The following MICAL3 variants were observed in gnomAD, a reference collection of about 807,000 sequenced individuals.
MICAL3 encodes [F-actin]-monooxygenase MICAL3.
In MICAL3, 62 loss-of-function variants were observed where a neutral mutation model predicts 207.4. The observed-to-expected ratio is 0.30, with a 90% CI of 0.24 to 0.37. The LOEUF is 0.37. Ranked by LOEUF, MICAL3 falls within the 10% of genes least tolerant of loss-of-function variation. MICAL3 has a pLI of 1.00. For missense variants in MICAL3, 2,368 were observed against 2,635.6 expected, an observed-to-expected ratio of 0.90 and a Z score of 2.22; for synonymous variants, 1,077 against 1,069.3, an observed-to-expected ratio of 1.01 and a Z score of -0.14.
intron 5 of MICAL3, among the ~76,000 whole-genome samples, chr22:17,901,277 G>A (rs926205385): frequency 2.6e-5 from 4 of 152,180 alleles, no homozygotes; most frequent in East Asian, 1.9e-4. Flanking sequence ...AAAGGGATGC[G>A]TGGGGGGAGC....
intron 1 of MICAL3, among the ~76,000 whole-genome samples, chr22:17,969,594 A>T (rs1159916340): frequency 1.3e-5 from 2 of 152,012 alleles, no homozygotes; most frequent in African/African-American, 2.4e-5. Flanking sequence ...CTTAGAAATG[A>T]TTTAAGGCAA....
intron 5 of MICAL3, 75 bp from the exon 6 acceptor site, chr22:17,901,072 G>A (rs1931280010): frequency 7.0e-7 from 1 of 1,434,854 alleles, no homozygotes; most frequent in Non-Finnish European, 9.8e-7. Flanking sequence ...AAGTGGGGGT[G>A]CTGATAAAGA....
chr22:17,788,634 T>A lies in MICAL3; in HGVS notation c.*2098A>T, dbSNP rs894098751. On this transcript the variant is annotated 3_prime_UTR_variant, in exon 32 of 32. Transcript: ENST00000441493. ...TCTAGAAACCCTCCTCTCCCCTTTT[T>A]TAAGTAAAGAGAAAAGAAAAGGAGA... 2.6e-5 allele frequency: 4 copies of A among 152,236 alleles called. No homozygotes were observed. The highest frequency in any genetic ancestry group is 9.6e-5 in the African/African-American group (4 of 41,462). The allele number at this position is 152,236 out of a possible 1,614,324, so 9.4% of individuals were successfully genotyped here.
At chr22:17,873,504 T>G (rs551148287) in intron 16 of MICAL3, among the ~76,000 whole-genome samples, 2 of 152,236 alleles carry the variant, frequency 1.3e-5, no homozygotes, top group African/African-American at 4.8e-5. Flanking sequence ...GGCAGCATGA[T>G]GAGGCCCGTG....
chr22:17,928,255 C>T (rs1933018351), intron 1 of MICAL3, among the ~76,000 whole-genome samples: 2 of 151,916 alleles, frequency 1.3e-5, no homozygotes, highest in African/African-American at 2.4e-5. Context: ...CTGGCTAACA[C>T]GGTGAAACCC....
At position 17,827,819 on chromosome 22, in the gene MICAL3, G is replaced by A. The variant is rs1922358309; in HGVS notation, c.3056-38C>T. ...GGTCAAGGGGTGGAGAAATGAGGTGGGGAAGGAGGGGATGAAATAGCATGG... is the reference window on the plus strand; with the variant it reads ...GGTCAAGGGGTGGAGAAATGAGGTGAGGAAGGAGGGGATGAAATAGCATGG... On this transcript the variant is annotated intron_variant, in intron 21 of 31. Coordinates refer to ENST00000441493, the MANE Select transcript of MICAL3 (RefSeq NM_015241.3). 8 of 1,519,064 alleles carry A rather than the reference G, an allele frequency of 5.3e-6. No homozygotes were observed. In the East Asian group the frequency reaches 2.0e-4, roughly 38 times the overall value. 94.1% of individuals were successfully genotyped at this position (1,519,064 alleles called of 1,614,324 possible). A position where few individuals can be genotyped will look rare whatever the true frequency, so the allele number is the denominator to read the frequency against.
At chr22:18,001,784 G>T (rs1173473720) in intron 1 of MICAL3, among the ~76,000 whole-genome samples, 1 of 152,260 alleles carries the variant, frequency 6.6e-6, no homozygotes, top group Non-Finnish European at 1.5e-5. Context: ...AACGGGAGAC[G>T]GGAAAGAACT....
chr22:17,936,186 T>C (rs959986997), intron 1 of MICAL3, among the ~76,000 whole-genome samples: 3 of 152,156 alleles, frequency 2.0e-5, no homozygotes, highest in African/African-American at 7.2e-5. Flanking sequence ...CAAATGTCCA[T>C]CAATTATAGA....
At chr22:17,862,368 C>T (rs1402595998) in intron 19 of MICAL3, 6 of 588,374 alleles carry the variant, frequency 1.0e-5, no homozygotes, top group Non-Finnish European at 1.1e-5. Context: ...CATTCTCCTG[C>T]CTCAGCCTCC....
At chr22:18,002,013 C>T (rs1322800060) in intron 1 of MICAL3, among the ~76,000 whole-genome samples, 2 of 151,930 alleles carry the variant, frequency 1.3e-5, no homozygotes, top group East Asian at 2.0e-4. Flanking sequence ...GCCGGGCCAA[C>T]ATGATGAAAC....
chr22:17,943,070 T>C (rs1460556612), intron 1 of MICAL3, among the ~76,000 whole-genome samples: 2 of 152,172 alleles, frequency 1.3e-5, no homozygotes, highest in East Asian at 1.9e-4. Context: ...AGGAACCGAG[T>C]GACATTCTTC....
intron 1 of MICAL3, among the ~76,000 whole-genome samples, chr22:18,000,242 AG>A (rs752634942): frequency 0.067 from 6,300 of 94,488 alleles, 433 homozygotes; most frequent in African/African-American, 0.31. Flanking sequence ...AAACAAGCTT[AG>A]GGGGAAAAAA....
intron 29 of MICAL3, among the ~76,000 whole-genome samples, chr22:17,798,496 C>T (rs1002516448): frequency 6.6e-6 from 1 of 152,196 alleles, no homozygotes; most frequent in Non-Finnish European, 1.5e-5. Flanking sequence ...TTTGAGGCTC[C>T]ACTTTCCTGC....
At position 17,887,230 on chromosome 22, in the gene MICAL3, A is replaced by G. The variant is rs533678739; in HGVS notation, c.2007T>C (p.Asp669=). 36 of 1,613,348 alleles carry G rather than the reference A, an allele frequency of 2.2e-5. 1 individual carries two copies. The South Asian group carries it at 3.9e-4, about 17-fold the overall frequency. ...QTISRKRSPK[D]KKEKDLDGAG... ...CACCATCCAAGTCCTTTTCCTTTTT[A>G]TCCTGTACCAAGGGAGGAGGGAAAC... Residue 669 remains aspartate (D), a splice_region_variant and synonymous_variant, in exon 15 of 32, where the codon GAT becomes GAC. Transcript: ENST00000441493.
chr22:17,925,367 G>A (rs1932894490), intron 1 of MICAL3, among the ~76,000 whole-genome samples: 1 of 152,180 alleles, frequency 6.6e-6, no homozygotes, highest in South Asian at 2.1e-4. Flanking sequence ...ATAACTTACA[G>A]ACAATAAGAG....
At chr22:17,995,352 A>C (rs1228021940) in intron 1 of MICAL3, among the ~76,000 whole-genome samples, 1 of 151,560 alleles carries the variant, frequency 6.6e-6, no homozygotes, top group African/African-American at 2.4e-5. Flanking sequence ...AATTTTTAAA[A>C]TTTTTGTAGA....
rs2061878143 is a variant in MICAL3 at position 17,796,516 on chromosome 22, T to G, written c.5651-5215A>C. 6.6e-6 allele frequency among the ~76,000 whole-genome samples: 1 copy of G among 152,204 alleles called. No individual in the cohort carries two copies. Among genetic ancestry groups the G allele is most frequent in the South Asian group, 2.1e-4 (1 of 4,828 alleles). On this transcript the variant is annotated intron_variant, in intron 29 of 31. Transcript: ENST00000441493. The surrounding 1 kb of genome is among the most constrained non-coding windows in gnomAD (Gnocchi z 4.4). ...GGTTCTGAGGCTCAACGGAGTTAAG[T>G]GTGGCAGAGCCTGGAAAAGAAGCCA... is the stretch of plus-strand genomic sequence containing the variant.
chr22:17,828,730 C>G (rs1439037741), intron 21 of MICAL3, among the ~76,000 whole-genome samples: 1 of 152,168 alleles, frequency 6.6e-6, no homozygotes, highest in African/African-American at 2.4e-5. Context: ...AGTGCTTGGA[C>G]CGTGCCACAC....
rs774786782 is a variant in MICAL3, at chr22:17,906,511, C to T, written c.264+38G>A. The T allele has an allele frequency of 6.2e-6, 10 of 1,612,522 alleles. No individual in the cohort carries two copies. The Admixed American group carries it at 6.7e-5, about 11-fold the overall frequency. On this transcript the variant is annotated intron_variant, in intron 2 of 31. Transcript: ENST00000441493. ...GACGTTGTTGAGGGAGAAGGCATCT[C>T]GTCAGTGACCCCAGGGCCCAACAGG...
Sources: allele counts gnomAD v4.1 joint callset (sites outside exome capture counted in the v4.1 genomes callset), GRCh38; gene constraint gnomAD v4.1.1; non-coding constraint Gnocchi (gnomAD v3.1); transcripts MANE v1.5; gene names NCBI Gene and HGNC (gene_info 2026-07-23, HGNC 2026-07-21).